Variants in ZCCHC14 observed in about 807,000 individuals in gnomAD.
ZCCHC14 encodes zinc finger CCHC domain-containing protein 14.
A neutral mutation model predicts 85.0 loss-of-function variants in ZCCHC14; 16 were observed. The observed-to-expected ratio is 0.19, with a 90% confidence interval of 0.13 to 0.29. The LOEUF (loss-of-function observed/expected upper bound fraction) is 0.29, where lower values mean the gene tolerates loss of function less well. ZCCHC14 is among the 10% of genes least tolerant of loss of function. The pLI, the probability that ZCCHC14 is intolerant of heterozygous loss-of-function variation, is 1.00. For missense variants in ZCCHC14, 1,303 were observed against 1,443.5 expected, an observed-to-expected ratio of 0.90 and a Z score of 1.58; for synonymous variants, 775 against 630.7, an observed-to-expected ratio of 1.23 and a Z score of -3.43.
At chr16:87,426,659 G>A (rs1016347568) in intron 3 of ZCCHC14, among the ~76,000 whole-genome samples, 2 of 152,198 alleles carry the variant, frequency 1.3e-5, no homozygotes, top group Non-Finnish European at 2.9e-5. Context: ...ACCTCTGGGG[G>A]CAGGGCTCAG....
At chr16:87,477,835 C>T (rs1362335506) in intron 1 of ZCCHC14, among the ~76,000 whole-genome samples, 15 of 148,084 alleles carry the variant, frequency 1.0e-4, no homozygotes, top group Admixed American at 8.8e-4. Flanking sequence ...CTCCACGCAT[C>T]GCTCCCGAGT....
Position 87,434,952 on chromosome 16 carries a change from T to C in ZCCHC14, c.695-1751A>G, listed in dbSNP as rs144055075. Among the ~76,000 whole-genome samples, 506 of 132,322 alleles carry C rather than the reference T, an allele frequency of 3.8e-3. 4 individuals are homozygous for C. Among genetic ancestry groups the C allele is most frequent in the African/African-American group, 0.014 (483 of 34,274 alleles). The allele number at this position is 132,322 out of a possible 152,430, so 86.8% of individuals were successfully genotyped here. On this transcript the variant is annotated intron_variant, in intron 2 of 12. Coordinates refer to ENST00000671377, the MANE Select transcript of ZCCHC14 (RefSeq NM_015144.3). ...GTTGCAGTGAGCCGATATCGCGCCA[T>C]TGCACTCCAGCCTGGGCAACAAAGT...
At chr16:87,458,992 A>C (rs906617637) in intron 2 of ZCCHC14, among the ~76,000 whole-genome samples, 6 of 152,210 alleles carry the variant, frequency 3.9e-5, no homozygotes, top group African/African-American at 1.4e-4. Flanking sequence ...TAGTCCTACA[A>C]ACCACCTTAC....
intron 1 of ZCCHC14, chr16:87,472,314 T>C (rs1027611743): frequency 5.3e-5 from 8 of 152,074 alleles, no homozygotes; most frequent in African/African-American, 1.9e-4. Flanking sequence ...CTTCCGAGGG[T>C]TGGTGCAAGG....
At chr16:87,476,403 A>C (rs186873535) in intron 1 of ZCCHC14, among the ~76,000 whole-genome samples, 328 of 152,252 alleles carry the variant, frequency 2.2e-3, no homozygotes, top group Non-Finnish European at 3.7e-3. Flanking sequence ...TACTGAAGCA[A>C]ACAACAATAC....
intron 1 of ZCCHC14, among the ~76,000 whole-genome samples, chr16:87,480,667 C>T (rs1355154787): frequency 6.6e-6 from 1 of 152,162 alleles, no homozygotes; most frequent in African/African-American, 2.4e-5. Context: ...GGATGCTCCG[C>T]AGGTGAGCCC....
At chr16:87,430,005 A>C (rs1597411700) in intron 3 of ZCCHC14, among the ~76,000 whole-genome samples, 1 of 152,240 alleles carries the variant, frequency 6.6e-6, no homozygotes, top group South Asian at 2.1e-4. Flanking sequence ...ATTTTCTCCT[A>C]ATCTTTGCCT....
At chr16:87,467,274 A>T in intron 1 of ZCCHC14, 2 of 1,578,024 alleles carry the variant, frequency 1.3e-6, no homozygotes, top group South Asian at 1.1e-5. Context: ...ATTAAGGATA[A>T]TGGAGATCTG....
intron 1 of ZCCHC14, among the ~76,000 whole-genome samples, chr16:87,484,790 G>T (rs1912440337): frequency 6.6e-6 from 1 of 152,096 alleles, no homozygotes; most frequent in Non-Finnish European, 1.5e-5. Context: ...GTTAAAGGTG[G>T]GGTTTTGTTG....
At chr16:87,410,981 TTACAAC>T (rs1472948283) in intron 12 of ZCCHC14, among the ~76,000 whole-genome samples, 3 of 152,088 alleles carry the variant, frequency 2.0e-5, no homozygotes, top group African/African-American at 7.2e-5. Flanking sequence ...AAGAACCCTA[TTACAAC>T]TACATCAGAC....
At chr16:87,451,413 G>T (rs1027788637) in intron 2 of ZCCHC14, among the ~76,000 whole-genome samples, 1 of 151,268 alleles carries the variant, frequency 6.6e-6, no homozygotes, top group Admixed American at 6.6e-5. Flanking sequence ...GATCAGACTG[G>T]TCTCAAACTC....
At chr16:87,448,146 T>C (rs550999006) in intron 2 of ZCCHC14, among the ~76,000 whole-genome samples, 26 of 152,340 alleles carry the variant, frequency 1.7e-4, no homozygotes, top group African/African-American at 4.8e-4. Flanking sequence ...TTTCCTTATA[T>C]AGGCTGTATT....
In ZCCHC14 at chr16:87,460,062, CTGA is replaced by C; in HGVS notation, c.637_639del (p.Ser213del). 1 of 1,614,140 alleles carries C rather than the reference CTGA, an allele frequency of 6.2e-7. No homozygotes were observed. ...GGCAGCGACTCCTCCGTGGAATGTG[CTGA>C]TGTGTGCAGGGCATTCTCCAAACTA... On this transcript the variant is annotated inframe_deletion, in exon 2 of 13. Transcript: ENST00000671377.
At chr16:87,466,372 G>A (rs1311281653) in intron 1 of ZCCHC14, among the ~76,000 whole-genome samples, 1 of 152,176 alleles carries the variant, frequency 6.6e-6, no homozygotes, top group Non-Finnish European at 1.5e-5. Flanking sequence ...CGGCAGCCTC[G>A]GTCTGCAGAA....
chr16:87,412,749 C>G lies in ZCCHC14; in HGVS notation c.1972G>C (p.Ala658Pro). Residue 658 changes from alanine (A) to proline (P), a missense_variant, in exon 12 of 13, where the codon GCG (alanine) becomes CCG (proline). This residue lies in a region of ZCCHC14 where 797 missense variants were observed against 730.8 expected (regional missense o/e 1.09). Coordinates refer to ENST00000671377, the MANE Select transcript of ZCCHC14 (RefSeq NM_015144.3). The stretch of plus-strand genomic sequence containing the variant: ...GAAGACGAGAGGAGCTTCATGTCCG[C>G]GCTCCCTCTTTCCGGCTTGTGCACG... ...NSVHKPERGSADMKLLSSSVH... is the reference protein window; with the variant it reads ...NSVHKPERGSPDMKLLSSSVH... The G allele has an allele frequency of 1.9e-6, 3 of 1,614,156 alleles. No individual in the cohort carries two copies. The highest frequency in any genetic ancestry group is 2.5e-6 in the Non-Finnish European group (3 of 1,180,016).
At position 87,491,010 on chromosome 16, in the gene ZCCHC14, G is replaced by A. The variant is rs375031943; in HGVS notation, c.570+659C>T. 6.6e-6 allele frequency among the ~76,000 whole-genome samples: 1 copy of A among 152,250 alleles called. No homozygotes were observed. The highest frequency in any genetic ancestry group is 1.5e-5 in the Non-Finnish European group (1 of 68,042). On this transcript the variant is annotated intron_variant, in intron 1 of 12. Coordinates refer to ENST00000671377, the MANE Select transcript of ZCCHC14 (RefSeq NM_015144.3). This position sits in a 1 kb window ranked among gnomAD's most constrained non-coding sequence, Gnocchi z 5.9. Reference sequence around the variant, plus strand: ...GCCTTGCAATGTTCACCTCACCGGCGGCTTCTGGCGTGGCCACGGCTCCTT... The same window carrying A: ...GCCTTGCAATGTTCACCTCACCGGCAGCTTCTGGCGTGGCCACGGCTCCTT...
At chr16:87,462,092 CCT>C (rs1387102192) in intron 1 of ZCCHC14, among the ~76,000 whole-genome samples, 1 of 147,994 alleles carries the variant, frequency 6.8e-6, no homozygotes, top group Admixed American at 6.8e-5. Flanking sequence ...ACAGCGAGAC[CCT>C]GTCTCTATTT....
At chr16:87,424,020 T>C in intron 3 of ZCCHC14, 139 bp from the exon 4 acceptor site, 1 of 764,010 alleles carries the variant, frequency 1.3e-6, no homozygotes, top group African/African-American at 1.8e-5. Flanking sequence ...GGGAAGCACC[T>C]AAGCATCCCT....
At chr16:87,450,317 A>C (rs765629628) in intron 2 of ZCCHC14, among the ~76,000 whole-genome samples, 2 of 152,222 alleles carry the variant, frequency 1.3e-5, no homozygotes, top group East Asian at 3.8e-4. Flanking sequence ...TGTTAATGGG[A>C]TAATTTCTAG....
Sources: gnomAD v4.1 joint callset for allele counts (sites outside exome capture counted in the v4.1 genomes callset) on GRCh38, gnomAD v4.1.1 for gene constraint, gnomAD v4.1.1 regional missense constraint, Gnocchi (gnomAD v3.1) non-coding constraint, MANE v1.5 for transcripts, NCBI Gene and HGNC (gene_info 2026-07-23, HGNC 2026-07-21) for gene names.